The following FREM2 variants were observed in gnomAD, a reference collection of about 807,000 sequenced individuals.
The protein encoded by FREM2 is FRAS1-related extracellular matrix protein 2.
In FREM2, 119 loss-of-function variants were observed where a neutral mutation model predicts 219.9. The ratio of observed to expected loss-of-function variants is 0.54; its 90% CI spans 0.47 to 0.63. The LOEUF (loss-of-function observed/expected upper bound fraction) is 0.63. FREM2 is among the 30% of genes least tolerant of loss of function. FREM2 has a pLI of 0.00. For synonymous variants in FREM2, 1,562 were observed against 1,522.8 expected (o/e 1.03, Z -0.60); for missense variants, 4,030 against 3,993.6 (o/e 1.01, Z -0.25).
intron 17 of FREM2, among the ~76,000 whole-genome samples, chr13:38,873,725 A>T (rs951098627): frequency 2.6e-5 from 4 of 152,340 alleles, no homozygotes; most frequent in Admixed American, 2.6e-4. Context: ...GCATTTTACT[A>T]GCCAGCAGGA....
Position 38,687,379 on chromosome 13 carries a change from G to T in FREM2, c.35G>T (p.Arg12Leu), listed in dbSNP as rs754347397. 6.2e-7 allele frequency: 1 copy of T among 1,608,630 alleles called. No homozygotes were observed. Among genetic ancestry groups the T allele is most frequent in the Admixed American group, 1.7e-5 (1 of 59,608 alleles). ...GCCGGGACTCCCGGGTTATCCTCGCGCCGGACAGGCAACTCCACCAGCTTT... is the reference window on the plus strand; with the variant it reads ...GCCGGGACTCCCGGGTTATCCTCGCTCCGGACAGGCAACTCCACCAGCTTT... ...HSAGTPGLSSRRTGNSTSFQP... is the reference protein window; with the variant it reads ...HSAGTPGLSSLRTGNSTSFQP... Residue 12 changes from arginine to leucine, a missense_variant, in exon 1 of 24, where the codon CGC (arginine) becomes CTC (leucine). Around this residue, in one of 2 missense-constraint regions of FREM2, gnomAD observed 3,102 missense variants for 2,950.7 expected, o/e 1.05. Coordinates refer to ENST00000280481, the MANE Select transcript of FREM2 (RefSeq NM_207361.6).
At chr13:38,869,030 C>T (rs1167432021) in intron 16 of FREM2, among the ~76,000 whole-genome samples, 1 of 152,234 alleles carries the variant, frequency 6.6e-6, no homozygotes. Flanking sequence ...GCCTAGCAGA[C>T]ATTACTTGCC....
chr13:38,783,027 AG>A (rs756188391), intron 4 of FREM2, 42 bp from the exon 5 acceptor site: 1 of 1,609,342 alleles, frequency 6.2e-7, no homozygotes, highest in South Asian at 1.1e-5. Context: ...AGAGGTAAGA[AG>A]CTCAGACAAA....
chr13:38,788,601 A>C (rs1874426799), intron 6 of FREM2, among the ~76,000 whole-genome samples: 1 of 152,120 alleles, frequency 6.6e-6, no homozygotes, highest in East Asian at 1.9e-4. Context: ...CTGCACTTAG[A>C]GCTCAATCAT....
intron 2 of FREM2, among the ~76,000 whole-genome samples, chr13:38,758,703 C>G (rs1372232021): frequency 6.6e-6 from 1 of 152,146 alleles, no homozygotes; most frequent in African/African-American, 2.4e-5. Flanking sequence ...ATGCAAAGTT[C>G]AAGAGAAGGT....
rs1874263872 is a variant in FREM2 at position 38,784,828 on chromosome 13, A to C, written c.6019+20A>C. On this transcript the variant is annotated intron_variant, in intron 6 of 23. Transcript: ENST00000280481. ...ATGATGGTGAGTACTAATTTACTTG[A>C]AAATTCTTTTTCCCGGGAAGATCAA... The C allele has an allele frequency of 4.3e-6, 7 of 1,613,124 alleles. No individual in the cohort carries two copies. Among genetic ancestry groups the C allele is most frequent in the Admixed American group, 1.7e-5 (1 of 59,988 alleles).
At chr13:38,824,281 T>C (rs1876184910) in intron 6 of FREM2, among the ~76,000 whole-genome samples, 1 of 152,096 alleles carries the variant, frequency 6.6e-6, no homozygotes, top group African/African-American at 2.4e-5. Flanking sequence ...ATGATATGCT[T>C]ATGAAGCCAT....
chr13:38,854,490 G>A (rs1768172561), intron 11 of FREM2, among the ~76,000 whole-genome samples: 2 of 152,098 alleles, frequency 1.3e-5, no homozygotes, highest in South Asian at 4.1e-4. Context: ...GTAGTCTTCT[G>A]CCATGCAGGA....
At chr13:38,844,895 T>A (rs1877093604) in intron 6 of FREM2, among the ~76,000 whole-genome samples, 1 of 152,222 alleles carries the variant, frequency 6.6e-6, no homozygotes, top group East Asian at 1.9e-4. Context: ...GTCTTCACCT[T>A]TGTGCCCTAC....
rs565942164 is a variant in FREM2 at position 38,791,795 on chromosome 13, A to T, written c.6019+6987A>T. 7.9e-5 allele frequency among the ~76,000 whole-genome samples: 12 copies of T among 152,310 alleles called. No individual in the cohort carries two copies. The South Asian group carries it at 2.3e-3, about 29-fold the overall frequency. On this transcript the variant is annotated intron_variant, in intron 6 of 23. Coordinates refer to ENST00000280481, the MANE Select transcript of FREM2 (RefSeq NM_207361.6). ...CAAGCCATATCAAGCACAGAAGCCA[A>T]AAGCAACATATTTATTTCATTTGGC...
At chr13:38,769,415 A>G (rs1426082164) in intron 3 of FREM2, among the ~76,000 whole-genome samples, 163 bp from the exon 4 acceptor site, 25 of 152,228 alleles carry the variant, frequency 1.6e-4, no homozygotes, top group Admixed American at 1.6e-3. Flanking sequence ...CTACAGTGAA[A>G]CACTTTCATC....
chr13:38,719,781 C>A (rs577635438), intron 2 of FREM2, among the ~76,000 whole-genome samples: 1 of 152,180 alleles, frequency 6.6e-6, no homozygotes, highest in Admixed American at 6.5e-5. Flanking sequence ...AGTCACCCTA[C>A]TTGTTGGATA....
intron 6 of FREM2, among the ~76,000 whole-genome samples, chr13:38,813,518 CCTCTCTCTCT>C (rs869095846): frequency 2.2e-3 from 17 of 7,788 alleles, no homozygotes; most frequent in African/African-American, 3.3e-3. Context: ...CTCTCTCTCT[CCTCTCTCTCT>C]CTCTCTCTCT....
chr13:38,848,315 C>T (rs555510565), intron 7 of FREM2, 146 bp from the exon 8 acceptor site: 5 of 685,270 alleles, frequency 7.3e-6, no homozygotes, highest in African/African-American at 7.2e-5. Context: ...AATCTTTTGC[C>T]TTTTATTAAA....
chr13:38,743,475 G>T (rs1158461689), intron 2 of FREM2, among the ~76,000 whole-genome samples: 1 of 151,970 alleles, frequency 6.6e-6, no homozygotes, highest in Non-Finnish European at 1.5e-5. Flanking sequence ...CCAAAAGAGG[G>T]ATCACTAGCA....
At chr13:38,766,813 A>G (rs1408591212) in intron 3 of FREM2, among the ~76,000 whole-genome samples, 1 of 152,240 alleles carries the variant, frequency 6.6e-6, no homozygotes, top group Non-Finnish European at 1.5e-5. Context: ...TCATACGTAC[A>G]TTAAGCACTT....
rs555093522 is a variant in FREM2 at position 38,851,012 on chromosome 13, C to T, written c.6646C>T (p.Arg2216Cys). 1.3e-4 allele frequency: 211 copies of T among 1,613,896 alleles called. 1 individual carries two copies. In the South Asian group the frequency reaches 2.0e-3, roughly 15 times the overall value. ...DVLYEEVEELRLVLGTPQSNS... is the reference protein window; with the variant it reads ...DVLYEEVEELCLVLGTPQSNS... ...GCTCTATGAGGAGGTAGAGGAGCTC[C>T]GCCTGGTACTCGGCACTCCACAAAG... Residue 2216 changes from arginine to cysteine, a missense_variant, in exon 10 of 24, where the codon CGC becomes TGC. Physicochemically the swap from Arg to Cys is radical, Grantham distance 180 (BLOSUM62 -3). Coordinates refer to ENST00000280481, the MANE Select transcript of FREM2 (RefSeq NM_207361.6).
At chr13:38,710,778 A>G (rs1870739056) in intron 2 of FREM2, among the ~76,000 whole-genome samples, 1 of 152,226 alleles carries the variant, frequency 6.6e-6, no homozygotes, top group Non-Finnish European at 1.5e-5. Context: ...GTAACTTCAG[A>G]AGTCAAGAGA....
At chr13:38,877,581 T>C (rs1878385953) in intron 21 of FREM2, among the ~76,000 whole-genome samples, 1 of 152,136 alleles carries the variant, frequency 6.6e-6, no homozygotes, top group African/African-American at 2.4e-5. Flanking sequence ...GCAAAGATTG[T>C]GCCTGCCTTA....
Sources: allele counts gnomAD v4.1 joint callset (sites outside exome capture counted in the v4.1 genomes callset), GRCh38; gene constraint gnomAD v4.1.1; regional missense constraint gnomAD v4.1.1; transcripts MANE v1.5; gene names NCBI Gene and HGNC (gene_info 2026-07-23, HGNC 2026-07-21).